Variants in NAALADL2 observed in about 807,000 individuals in gnomAD.
NAALADL2 encodes the protein N-acetylated alpha-linked acidic dipeptidase like 2.
In NAALADL2, 76 loss-of-function variants were observed where a neutral mutation model predicts 87.2. The ratio of observed to expected loss-of-function variants is 0.87; its 90% CI spans 0.72 to 1.05. The LOEUF (loss-of-function observed/expected upper bound fraction) is 1.05, where lower values mean the gene tolerates loss of function less well. Among genes scored for constraint, NAALADL2 ranks in the 50% least tolerant of loss-of-function variants. The probability of loss-of-function intolerance (pLI) is 0.00; values close to 1 mark genes in which losing one functional copy is unlikely to be tolerated. For synonymous variants in NAALADL2, 354 were observed against 331.0 expected (o/e 1.07, Z -0.75); for missense variants, 1,089 against 945.8 (o/e 1.15, Z -1.99).
At chr3:174,789,956 C>T (rs984426048) in intron 3 of NAALADL2, among the ~76,000 whole-genome samples, 2 of 152,186 alleles carry the variant, frequency 1.3e-5, no homozygotes, top group African/African-American at 4.8e-5. Context: ...AGGGCGTTAT[C>T]ATGCTGAGTT....
chr3:174,736,070 G>T (rs114619089), intron 2 of NAALADL2, among the ~76,000 whole-genome samples: 1 of 152,120 alleles, frequency 6.6e-6, no homozygotes. Context: ...ACTGCAAGCC[G>T]CTTCCATGGC....
chr3:175,430,241 T>G (rs529516869), intron 5 of NAALADL2, among the ~76,000 whole-genome samples: 7 of 151,948 alleles, frequency 4.6e-5, no homozygotes, highest in Non-Finnish European at 8.8e-5. Flanking sequence ...TTATAGTAAT[T>G]AACCTGCATA....
chr3:174,487,262 G>T lies in NAALADL2; in HGVS notation c.-184+46230G>T, dbSNP rs568582000. ...TCATATGAGCCAAAGCCAATTCTTTGTCTAAGCTAGATGGATCATATGTCA... is the reference window on the plus strand; with the variant it reads ...TCATATGAGCCAAAGCCAATTCTTTTTCTAAGCTAGATGGATCATATGTCA... On this transcript the variant is annotated intron_variant, in intron 1 of 3. Transcript: ENST00000434257. Among the ~76,000 whole-genome samples the T allele has an allele frequency of 1.3e-3, 201 of 152,068 alleles. 8 individuals are homozygous for T. In the South Asian group the frequency reaches 0.04, roughly 30 times the overall value.
In NAALADL2 at chr3:174,546,432, C is replaced by T. The variant is rs148875612; in HGVS notation, c.-183-4137C>T. 1.7e-3 allele frequency among the ~76,000 whole-genome samples: 264 copies of T among 152,240 alleles called. 2 individuals are homozygous for T. Among genetic ancestry groups the T allele is most frequent in the Non-Finnish European group, 1.7e-3 (114 of 68,006 alleles). On this transcript the variant is annotated intron_variant, in intron 1 of 3. Transcript: ENST00000434257. ...GTCAGAGAAGAAGACCTTATTCAGA[C>T]ATTCAAGGAGTCCTATTCTTAACTG... is the stretch of plus-strand genomic sequence containing the variant.
intron 2 of NAALADL2, among the ~76,000 whole-genome samples, chr3:175,196,476 C>T (rs1739015066): frequency 6.6e-6 from 1 of 151,866 alleles, no homozygotes; most frequent in Non-Finnish European, 1.5e-5. Flanking sequence ...AAATGCTTCT[C>T]CTGTTGTGTT....
At chr3:174,528,056 C>T (rs962579877) in intron 1 of NAALADL2, among the ~76,000 whole-genome samples, 3 of 151,992 alleles carry the variant, frequency 2.0e-5, no homozygotes, top group Admixed American at 6.6e-5. Context: ...CAACAGGTGC[C>T]GTGTGGCCAG....
intron 2 of NAALADL2, among the ~76,000 whole-genome samples, chr3:174,567,880 C>A (rs1714471967): frequency 6.6e-6 from 1 of 151,570 alleles, no homozygotes; most frequent in Non-Finnish European, 1.5e-5. Context: ...AAGATTTTAT[C>A]TTTTGAATGT....
chr3:174,973,159 G>A (rs567617962), intron 1 of NAALADL2, among the ~76,000 whole-genome samples: 1 of 152,078 alleles, frequency 6.6e-6, no homozygotes, highest in East Asian at 1.9e-4. Flanking sequence ...GTATCTTTAG[G>A]GCAAAAATTA....
At chr3:175,119,436 A>G (rs1460679381) in intron 2 of NAALADL2, among the ~76,000 whole-genome samples, 1 of 151,544 alleles carries the variant, frequency 6.6e-6, no homozygotes, top group Non-Finnish European at 1.5e-5. Context: ...GTATTTGGAA[A>G]TGGCCTTTAG....
chr3:175,429,022 G>GT (rs1401278924), intron 5 of NAALADL2, among the ~76,000 whole-genome samples: 1 of 151,896 alleles, frequency 6.6e-6, no homozygotes, highest in East Asian at 1.9e-4. Context: ...AATGATATTG[G>GT]TTTTTTCTGG....
In NAALADL2 at chr3:175,387,873, CT is replaced by C. The variant is rs1390477039; in HGVS notation, c.1091-59355del. ...CTAATCATAAAGAATATTCTCAACT[CT>C]ATGAAGAAAGTATTATTATTACCAT... On this transcript the variant is annotated intron_variant, in intron 5 of 13. Transcript: ENST00000454872. 5.9e-5 allele frequency among the ~76,000 whole-genome samples: 9 copies of C among 152,158 alleles called. 1 individual carries two copies. Among genetic ancestry groups the C allele is most frequent in the African/African-American group, 1.9e-4 (8 of 41,534 alleles).
chr3:175,409,451 C>A (rs1364105655), intron 5 of NAALADL2, among the ~76,000 whole-genome samples: 1 of 151,794 alleles, frequency 6.6e-6, no homozygotes, highest in Non-Finnish European at 1.5e-5. Flanking sequence ...GTGGATCTTA[C>A]CCATATTGTT....
intron 2 of NAALADL2, among the ~76,000 whole-genome samples, chr3:174,576,639 G>T (rs911460890): frequency 3.9e-5 from 6 of 152,182 alleles, no homozygotes; most frequent in Non-Finnish European, 7.4e-5. Flanking sequence ...CTGTTCTTAT[G>T]TGCTTTAAAT....
intron 2 of NAALADL2, among the ~76,000 whole-genome samples, chr3:174,611,580 ATTTCTTTTTTGT>A (rs993396127): frequency 2.6e-5 from 4 of 151,638 alleles, no homozygotes; most frequent in African/African-American, 9.7e-5. Context: ...AGCTTCGATT[ATTTCTTTTTTGT>A]TTTCTTTTTT....
intron 11 of NAALADL2, among the ~76,000 whole-genome samples, chr3:175,660,642 C>A (rs936702102): frequency 4.1e-4 from 63 of 151,874 alleles, no homozygotes; most frequent in Non-Finnish European, 2.4e-4. Context: ...ACCTGTTAAC[C>A]AATTTCTCTT....
At chr3:175,007,371 C>T (rs1749174894) in intron 1 of NAALADL2, among the ~76,000 whole-genome samples, 1 of 152,076 alleles carries the variant, frequency 6.6e-6, no homozygotes, top group Non-Finnish European at 1.5e-5. Flanking sequence ...GTGAGGCTGA[C>T]TTAGGTAGAA....
intron 5 of NAALADL2, among the ~76,000 whole-genome samples, chr3:175,388,735 T>C (rs1768722279): frequency 6.6e-6 from 1 of 152,114 alleles, no homozygotes; most frequent in South Asian, 2.1e-4. Flanking sequence ...AGCAATATTA[T>C]TGATGCCATC....
chr3:175,323,879 G>A (rs1367262674), intron 4 of NAALADL2, among the ~76,000 whole-genome samples: 5 of 151,210 alleles, frequency 3.3e-5, no homozygotes, highest in South Asian at 2.1e-4. Flanking sequence ...TTAGCCGGGT[G>A]TGGTGGCAGG....
At chr3:175,629,961 T>C (rs557575851) in intron 11 of NAALADL2, among the ~76,000 whole-genome samples, 2 of 151,802 alleles carry the variant, frequency 1.3e-5, no homozygotes, top group African/African-American at 4.8e-5. Context: ...ATTAAGTGGA[T>C]GTTGGAAAGA....
Sources: gnomAD v4.1 joint callset for allele counts (sites outside exome capture counted in the v4.1 genomes callset) on GRCh38, gnomAD v4.1.1 for gene constraint, MANE v1.5 for transcripts, NCBI Gene and HGNC (gene_info 2026-07-23, HGNC 2026-07-21) for gene names.